The following DPYD variants were observed in gnomAD, a reference collection of about 807,000 sequenced individuals.
DPYD encodes dihydropyrimidine dehydrogenase [NADP(+)].
Under a neutral mutation model 116.2 loss-of-function variants are expected in DPYD, and 109 were observed. The observed-to-expected ratio is 0.94, with a 90% CI of 0.80 to 1.10. The LOEUF (loss-of-function observed/expected upper bound fraction) is 1.10, where lower values mean the gene tolerates loss of function less well. Among genes scored for constraint, DPYD ranks in the 50% least tolerant of loss-of-function variants. The pLI is 0.00. For synonymous variants in DPYD, 440 were observed against 432.0 expected, an observed-to-expected ratio of 1.02 and a Z score of -0.23; for missense variants, 1,302 against 1,254.5, an observed-to-expected ratio of 1.04 and a Z score of -0.57.
chr1:97,454,301 T>A (rs749882647), intron 13 of DPYD, among the ~76,000 whole-genome samples: 4 of 151,744 alleles, frequency 2.6e-5, no homozygotes, highest in Non-Finnish European at 5.9e-5. Context: ...AGAGTTAGAG[T>A]TTAAATAATT....
At chr1:97,495,036 G>A (rs1222200302) in intron 13 of DPYD, among the ~76,000 whole-genome samples, 1 of 152,100 alleles carries the variant, frequency 6.6e-6, no homozygotes, top group Non-Finnish European at 1.5e-5. Context: ...ATAGTTTGTG[G>A]ATTGAATAAC....
chr1:97,364,716 C>T (rs1305009467), intron 16 of DPYD, among the ~76,000 whole-genome samples: 1 of 152,128 alleles, frequency 6.6e-6, no homozygotes, highest in African/African-American at 2.4e-5. Flanking sequence ...AGCACCACCT[C>T]GTGTTTGTCT....
At chr1:97,585,559 GA>G (rs1380937172) in intron 10 of DPYD, among the ~76,000 whole-genome samples, 1 of 151,952 alleles carries the variant, frequency 6.6e-6, no homozygotes, top group East Asian at 1.9e-4. Context: ...TAGAATTTTA[GA>G]AAAAAATTTT....
chr1:97,529,204 T>A (rs567636693), intron 12 of DPYD, among the ~76,000 whole-genome samples: 2 of 152,316 alleles, frequency 1.3e-5, no homozygotes, highest in African/African-American at 4.8e-5. Flanking sequence ...ATGAGCCAAG[T>A]GAACTTGTAA....
chr1:97,119,645 A>G (rs1514499), intron 20 of DPYD, among the ~76,000 whole-genome samples: 3 of 152,156 alleles, frequency 2.0e-5, no homozygotes, highest in African/African-American at 4.8e-5. Flanking sequence ...TTGTTTAAAA[A>G]GGTCAGCTCA....
intron 12 of DPYD, among the ~76,000 whole-genome samples, chr1:97,544,611 C>T (rs1454907858): frequency 6.7e-6 from 1 of 148,832 alleles, no homozygotes; most frequent in Non-Finnish European, 1.5e-5. Flanking sequence ...AAAATAATTT[C>T]TTTTTTTTTC....
At chr1:97,802,132 C>T (rs1041933049) in intron 3 of DPYD, among the ~76,000 whole-genome samples, 2 of 151,830 alleles carry the variant, frequency 1.3e-5, no homozygotes, top group African/African-American at 2.4e-5. Flanking sequence ...CGTAGAGTCA[C>T]GCTGTTCAGA....
intron 2 of DPYD, among the ~76,000 whole-genome samples, chr1:97,841,763 T>A (rs1670048711): frequency 6.6e-6 from 1 of 152,050 alleles, no homozygotes; most frequent in Non-Finnish European, 1.5e-5. Context: ...CATTTTAATG[T>A]CAAAATGAGC....
At chr1:97,393,905 C>A (rs1672860699) in intron 14 of DPYD, among the ~76,000 whole-genome samples, 1 of 152,144 alleles carries the variant, frequency 6.6e-6, no homozygotes, top group Admixed American at 6.6e-5. Context: ...TACAGTCCCA[C>A]CAACAGTGTA....
chr1:97,577,554 T>C (rs74584403), intron 10 of DPYD, among the ~76,000 whole-genome samples: 1,991 of 152,228 alleles, frequency 0.013, 23 homozygotes, highest in Middle Eastern at 0.024. Flanking sequence ...TCTCTCTCCA[T>C]GCACTCCTAA....
chr1:97,712,699 T>C (rs1334662646), intron 5 of DPYD, among the ~76,000 whole-genome samples: 3 of 152,080 alleles, frequency 2.0e-5, no homozygotes. Flanking sequence ...TCTCTCCCAC[T>C]GCAGAACCAA....
intron 14 of DPYD, among the ~76,000 whole-genome samples, chr1:97,445,186 G>A (rs781388763): frequency 6.6e-5 from 10 of 152,180 alleles, no homozygotes; most frequent in Non-Finnish European, 1.2e-4. Context: ...CTACAGATTT[G>A]ATTGGACAAG....
At chr1:97,621,373 G>T (rs987278887) in intron 8 of DPYD, among the ~76,000 whole-genome samples, 1 of 151,998 alleles carries the variant, frequency 6.6e-6, no homozygotes, top group Non-Finnish European at 1.5e-5. Context: ...AGGATAGAGA[G>T]AGGCTACAAT....
chr1:97,098,724 A>C, intron 20 of DPYD, 92 bp from the exon 21 acceptor site: 3 of 1,421,738 alleles, frequency 2.1e-6, no homozygotes, highest in Non-Finnish European at 2.9e-6. Context: ...CAACAAACAA[A>C]TGTGTGTCTA....
intron 19 of DPYD, among the ~76,000 whole-genome samples, chr1:97,208,013 T>G: frequency 6.6e-6 from 1 of 152,160 alleles, no homozygotes; most frequent in East Asian, 1.9e-4. Context: ...ATTTGCTTCC[T>G]CTAATACAGG....
At chr1:97,686,737 CG>C (rs1557883043) in intron 7 of DPYD, among the ~76,000 whole-genome samples, 1 of 149,854 alleles carries the variant, frequency 6.7e-6, no homozygotes, top group East Asian at 2.0e-4. Context: ...GACATAGGCA[CG>C]GGCAAAGATT....
At chr1:97,498,167 G>A (rs1332535253) in intron 13 of DPYD, among the ~76,000 whole-genome samples, 1 of 151,628 alleles carries the variant, frequency 6.6e-6, no homozygotes, top group Non-Finnish European at 1.5e-5. Context: ...CGGGATGTGG[G>A]GAATGGGGAG....
intron 18 of DPYD, among the ~76,000 whole-genome samples, chr1:97,293,143 G>A (rs763064549): frequency 2.0e-5 from 3 of 152,160 alleles, no homozygotes; most frequent in Non-Finnish European, 2.9e-5. Flanking sequence ...CACTTACAGT[G>A]TAATTGTGAC....
chr1:97,513,958 C>A (rs1197593770), intron 13 of DPYD, among the ~76,000 whole-genome samples: 1 of 151,808 alleles, frequency 6.6e-6, no homozygotes, highest in Non-Finnish European at 1.5e-5. Flanking sequence ...TTTGTCATTG[C>A]AATTTGCAGA....
Sources: gnomAD v4.1 joint callset for allele counts (sites outside exome capture counted in the v4.1 genomes callset) on GRCh38, gnomAD v4.1.1 for gene constraint, MANE v1.5 for transcripts, NCBI Gene and HGNC (gene_info 2026-07-23, HGNC 2026-07-21) for gene names.